Variants in AFF3 observed in about 807,000 individuals in gnomAD.
AFF3 encodes ALF transcription elongation factor 3.
A neutral mutation model predicts 129.7 loss-of-function variants in AFF3; 32 were observed. The observed-to-expected ratio is 0.25, with a 90% CI of 0.19 to 0.33. The LOEUF (loss-of-function observed/expected upper bound fraction) is 0.33, where lower values mean the gene tolerates loss of function less well. Ranked by LOEUF, AFF3 falls within the 10% of genes least tolerant of loss-of-function variation. The pLI is 1.00. For synonymous variants in AFF3, 644 were observed against 635.4 expected, an observed-to-expected ratio of 1.01 and a Z score of -0.20; for missense variants, 1,373 against 1,592.0, an observed-to-expected ratio of 0.86 and a Z score of 2.34.
Position 99,601,932 on chromosome 2 carries a change from C to T in AFF3, c.1185-311G>A, listed in dbSNP as rs569612367. Among the ~76,000 whole-genome samples, 47 of 152,206 alleles carry T rather than the reference C, an allele frequency of 3.1e-4. 1 individual carries two copies. The highest frequency in any genetic ancestry group is 4.7e-4 in the Non-Finnish European group (32 of 68,036). The stretch of plus-strand genomic sequence containing the variant: ...CCAAATGGCTGTTTCCATTTTGCTG[C>T]TGTTCTGGGAATGGCTTTTCAAATG... On this transcript the variant is annotated intron_variant, in intron 13 of 24. Transcript: ENST00000672756.
chr2:99,944,273 C>T (rs192046519), intron 7 of AFF3, among the ~76,000 whole-genome samples: 2 of 152,320 alleles, frequency 1.3e-5, no homozygotes, highest in East Asian at 3.9e-4. Flanking sequence ...CCACTTCTGT[C>T]TTCCATAAGC....
At chr2:99,569,830 G>A (rs895956455) in intron 18 of AFF3, among the ~76,000 whole-genome samples, 2 of 152,132 alleles carry the variant, frequency 1.3e-5, no homozygotes, top group African/African-American at 2.4e-5. Flanking sequence ...GAGATTCGAC[G>A]GAAGTAGTGA....
At chr2:100,020,000 G>A (rs1288110165) in intron 4 of AFF3, among the ~76,000 whole-genome samples, 2 of 152,158 alleles carry the variant, frequency 1.3e-5, no homozygotes, top group Non-Finnish European at 2.9e-5. Context: ...TAGAAAAAGA[G>A]AATGATAGGC....
At chr2:99,941,888 T>C (rs1227530350) in intron 7 of AFF3, among the ~76,000 whole-genome samples, 1 of 152,232 alleles carries the variant, frequency 6.6e-6, no homozygotes, top group Non-Finnish European at 1.5e-5. Context: ...AGTGCCTACC[T>C]CTATACTTCA....
chr2:100,078,733 G>A (rs1301041263), intron 4 of AFF3, among the ~76,000 whole-genome samples: 1 of 152,020 alleles, frequency 6.6e-6, no homozygotes, highest in Admixed American at 6.6e-5. Flanking sequence ...TAGGACCCCT[G>A]GGGATACCAA....
At chr2:99,909,548 A>G (rs935753992) in intron 7 of AFF3, among the ~76,000 whole-genome samples, 3 of 152,038 alleles carry the variant, frequency 2.0e-5, no homozygotes, top group African/African-American at 7.3e-5. Context: ...TGGCACATGT[A>G]TACATATGTA....
intron 11 of AFF3, among the ~76,000 whole-genome samples, chr2:99,712,565 G>C (rs1677992612): frequency 6.6e-6 from 1 of 152,216 alleles, no homozygotes; most frequent in Non-Finnish European, 1.5e-5. Context: ...GCTGACAAAA[G>C]TGAACATGTG....
At chr2:99,945,027 T>TA (rs1675424766) in intron 7 of AFF3, among the ~76,000 whole-genome samples, 2 of 152,180 alleles carry the variant, frequency 1.3e-5, no homozygotes, top group South Asian at 4.1e-4. Context: ...TAGGCACTGT[T>TA]AGTGCTGGAG....
In AFF3 at chr2:100,069,484, G is replaced by A. The variant is rs182487719; in HGVS notation, c.53+34918C>T. On this transcript the variant is annotated intron_variant, in intron 4 of 24. Coordinates refer to ENST00000672756, the MANE Select transcript of AFF3 (RefSeq NM_001386135.1). The stretch of plus-strand genomic sequence containing the variant: ...AGTCATGGAGATATTTAAATAACAC[G>A]TAAAATACCTAGTATGATGCCTCTA... Among the ~76,000 whole-genome samples the A allele has an allele frequency of 2.2e-3, 341 of 152,230 alleles. 3 individuals are homozygous for A. The highest frequency in any genetic ancestry group is 5.3e-3 in the African/African-American group (220 of 41,532).
chr2:99,649,021 A>G (rs949329477), intron 13 of AFF3, among the ~76,000 whole-genome samples: 1 of 152,094 alleles, frequency 6.6e-6, no homozygotes, highest in Non-Finnish European at 1.5e-5. Flanking sequence ...GTGACTTTAC[A>G]TACCCACATT....
At chr2:100,058,563 A>T (rs893072807) in intron 4 of AFF3, among the ~76,000 whole-genome samples, 5 of 152,170 alleles carry the variant, frequency 3.3e-5, no homozygotes, top group Non-Finnish European at 7.3e-5. Context: ...CAGTATCCGA[A>T]GTCTTTCTTT....
chr2:99,905,825 G>A (rs1333944749), intron 7 of AFF3, among the ~76,000 whole-genome samples: 5 of 152,124 alleles, frequency 3.3e-5, no homozygotes, highest in Admixed American at 3.3e-4. Flanking sequence ...ACCAGCAGCA[G>A]CAGATCCTAA....
intron 7 of AFF3, among the ~76,000 whole-genome samples, chr2:99,990,704 C>A (rs113711795): frequency 2.8e-4 from 43 of 152,016 alleles, no homozygotes; most frequent in South Asian, 1.2e-3. Context: ...GGAAAGCCAG[C>A]ATGAAAGTGA....
intron 7 of AFF3, among the ~76,000 whole-genome samples, chr2:99,946,021 T>C (rs529953475): frequency 1.3e-5 from 2 of 152,334 alleles, no homozygotes; most frequent in South Asian, 2.1e-4. Context: ...AATTCCTTGG[T>C]TAACTATTTC....
intron 13 of AFF3, among the ~76,000 whole-genome samples, chr2:99,635,282 A>G (rs1173350750): frequency 6.6e-6 from 1 of 151,934 alleles, no homozygotes; most frequent in East Asian, 1.9e-4. Flanking sequence ...TCATATATAC[A>G]TATCATACAT....
At chr2:99,865,519 C>A (rs1691326205) in intron 7 of AFF3, among the ~76,000 whole-genome samples, 1 of 151,968 alleles carries the variant, frequency 6.6e-6, no homozygotes, top group Non-Finnish European at 1.5e-5. Flanking sequence ...ACCAACCCAG[C>A]AAAATGAAAT....
intron 4 of AFF3, among the ~76,000 whole-genome samples, chr2:100,051,829 C>T (rs535509847): frequency 1.4e-4 from 22 of 152,254 alleles, no homozygotes; most frequent in African/African-American, 5.3e-4. Context: ...AAACCAGGAA[C>T]CAGAGTAATT....
intron 8 of AFF3, among the ~76,000 whole-genome samples, chr2:99,795,780 G>A (rs1332923337): frequency 6.6e-6 from 1 of 151,288 alleles, no homozygotes; most frequent in African/African-American, 2.4e-5. Flanking sequence ...CCCTCCAGGT[G>A]GTTGAAACAT....
At chr2:100,095,307 T>C (rs1690194775) in intron 4 of AFF3, among the ~76,000 whole-genome samples, 1 of 152,110 alleles carries the variant, frequency 6.6e-6, no homozygotes, top group Non-Finnish European at 1.5e-5. Flanking sequence ...ACTGTTTTCC[T>C]CTCTCCTCCC....
Sources: gnomAD v4.1 joint callset for allele counts (sites outside exome capture counted in the v4.1 genomes callset) on GRCh38, gnomAD v4.1.1 for gene constraint, MANE v1.5 for transcripts, NCBI Gene and HGNC (gene_info 2026-07-23, HGNC 2026-07-21) for gene names.